The following ZCWPW1 variants were observed in gnomAD, a reference collection of about 807,000 sequenced individuals.
ZCWPW1 encodes the protein zinc finger CW-type PWWP domain protein 1.
A neutral mutation model predicts 81.3 loss-of-function variants in ZCWPW1; 56 were observed. The observed-to-expected ratio is 0.69, with a 90% CI of 0.56 to 0.86. ZCWPW1 has a LOEUF of 0.86. ZCWPW1 is among the 40% of genes least tolerant of loss of function. The pLI, the probability that ZCWPW1 is intolerant of heterozygous loss-of-function variation, is 0.00. For synonymous variants in ZCWPW1, 250 were observed against 273.7 expected (o/e 0.91, Z 0.86); for missense variants, 650 against 769.8 (o/e 0.84, Z 1.84).
rs748125267 is a variant in ZCWPW1, at chr7:100,401,312, G to A, written c.1652C>T (p.Pro551Leu). The A allele has an allele frequency of 4.5e-6, 7 of 1,561,154 alleles. No homozygotes were observed. In the African/African-American group the frequency reaches 5.5e-5, roughly 12 times the overall value. Residue 551 changes from proline to leucine, a missense_variant, in exon 18 of 18, where the codon CCC becomes CTC. Physicochemically the swap from Pro to Leu is moderately conservative, Grantham distance 98. Transcript: ENST00000684423. The stretch of plus-strand genomic sequence containing the variant: ...GCTGGCTGCCAAGGCCTTGCTCTGG[G>A]GAGCTTTAAATTTTTTCTTAGGGCC... Reference protein sequence around the residue: ...QPGPKKKFKAPQSKALAASFS... With the variant: ...QPGPKKKFKALQSKALAASFS...
chr7:100,417,051 C>T lies in ZCWPW1; in HGVS notation c.479+15G>A. On this transcript the variant is annotated intron_variant, in intron 6 of 17. Transcript: ENST00000684423. ...TCCATTCTGTGTTCAACTTGCCTCACTGAAATAAACTTACCCATTAGCATT... is the reference window on the plus strand; with the variant it reads ...TCCATTCTGTGTTCAACTTGCCTCATTGAAATAAACTTACCCATTAGCATT... The T allele has an allele frequency of 6.2e-7, 1 of 1,602,348 alleles. No homozygotes were observed. Among genetic ancestry groups the T allele is most frequent in the Non-Finnish European group, 8.5e-7 (1 of 1,169,662 alleles).
intron 15 of ZCWPW1, 144 bp from the exon 16 acceptor site, chr7:100,402,720 AAC>A: frequency 1.2e-6 from 1 of 826,766 alleles, no homozygotes; most frequent in South Asian, 1.5e-5. Context: ...AATTTCTGGC[AAC>A]ACAGAGAAAA....
Position 100,407,317 on chromosome 7 carries a change from T to A in ZCWPW1, c.993-14A>T. 1.1e-5 allele frequency: 17 copies of A among 1,611,726 alleles called. No homozygotes were observed. Among genetic ancestry groups the A allele is most frequent in the Non-Finnish European group, 1.4e-5 (17 of 1,178,496 alleles). On this transcript the variant is annotated splice_polypyrimidine_tract_variant and intron_variant, in intron 10 of 17. Coordinates refer to ENST00000684423, the MANE Select transcript of ZCWPW1 (RefSeq NM_001386010.1). ...ATGCCTGGCCACCTGGAGAAGATAG[T>A]TGGGTGTAGGGGACAGAAGAGAAGG...
In ZCWPW1 at chr7:100,402,016, T is replaced by C. The variant is rs1330050750; in HGVS notation, c.1500A>G (p.Ala500=). 6 of 1,612,794 alleles carry C rather than the reference T, an allele frequency of 3.7e-6. No individual in the cohort carries two copies. Among genetic ancestry groups the C allele is most frequent in the Non-Finnish European group, 5.1e-6 (6 of 1,179,518 alleles). ...PRGLGGDAGT[A]DGRGRTLQRK... ...TCTGCAGTGTCCTGCCTCGGCCATC[T>C]GCTGTGCCTGCATCACCCCCAAGCC... The change falls in exon 17 of 18, where the codon GCA becomes GCG. Residue 500 remains alanine, a synonymous_variant. Transcript: ENST00000684423.
intron 8 of ZCWPW1, among the ~76,000 whole-genome samples, chr7:100,415,269 G>A (rs1209382500): frequency 6.6e-6 from 1 of 151,630 alleles, no homozygotes; most frequent in Non-Finnish European, 1.5e-5. Context: ...TTTCAGTAGA[G>A]ATGGGGTTTC....
In ZCWPW1 at chr7:100,408,644, C is replaced by A. The variant is rs373658826; in HGVS notation, c.887G>T (p.Arg296Leu). The change falls in exon 10 of 18, where the codon CGC becomes CTC. Residue 296 changes from arginine to leucine, a missense_variant. Coordinates refer to ENST00000684423, the MANE Select transcript of ZCWPW1 (RefSeq NM_001386010.1). ...CCAGGTCTCCTCAGGAATATCACAG[C>A]GATTATACTGCACATCTGCTGAAAG... ...CDQNTDVQYN[R>L]CDIPEETWTG... The A allele has an allele frequency of 2.3e-5, 37 of 1,613,312 alleles. No homozygotes were observed. In the South Asian group the frequency reaches 4.0e-4, roughly 17 times the overall value.
chr7:100,406,997 G>A lies in ZCWPW1; in HGVS notation c.1069-199C>T, dbSNP rs1290799467. Among the ~76,000 whole-genome samples the A allele has an allele frequency of 4.6e-5, 7 of 152,212 alleles. No homozygotes were observed. In the South Asian group the frequency reaches 1.0e-3, roughly 23 times the overall value. On this transcript the variant is annotated intron_variant, in intron 11 of 17. Transcript: ENST00000684423. ...TAACCTCAGGAATCCTAGCCAAAGC[G>A]TATTTATCAAAACCACTAATGCCCT...
At chr7:100,423,720 G>A (rs1796769308) in intron 2 of ZCWPW1, among the ~76,000 whole-genome samples, 1 of 152,082 alleles carries the variant, frequency 6.6e-6, no homozygotes, top group African/African-American at 2.4e-5. Context: ...ATTTTGGGGA[G>A]AAACACTCAA....
intron 15 of ZCWPW1, among the ~76,000 whole-genome samples, chr7:100,403,017 T>C (rs1368469391): frequency 1.3e-5 from 2 of 152,136 alleles, no homozygotes; most frequent in Admixed American, 6.5e-5. Context: ...ACTGAGATTA[T>C]ACTCAAGAAA....
intron 10 of ZCWPW1, 53 bp downstream of exon 10, chr7:100,408,486 T>A: frequency 2.5e-6 from 4 of 1,597,034 alleles, no homozygotes; most frequent in South Asian, 1.1e-5. Context: ...CCTGCTTGAA[T>A]CTACCTCTCC....
chr7:100,410,581 C>A (rs1055290147), intron 8 of ZCWPW1, among the ~76,000 whole-genome samples: 2 of 152,124 alleles, frequency 1.3e-5, no homozygotes, highest in Non-Finnish European at 1.5e-5. Flanking sequence ...GCCTTCATTC[C>A]AAATGACCTC....
At chr7:100,404,147 T>G (rs1792495400) in intron 14 of ZCWPW1, 31 bp downstream of exon 14, 1 of 1,610,970 alleles carries the variant, frequency 6.2e-7, no homozygotes, top group Admixed American at 1.7e-5. Context: ...CCTCCCATCC[T>G]TCTCCAGTCC....
chr7:100,409,445 G>A lies in ZCWPW1; in HGVS notation c.854C>T (p.Ser285Phe). The A allele has an allele frequency of 1.9e-6, 3 of 1,613,680 alleles. No homozygotes were observed. Among genetic ancestry groups the A allele is most frequent in the Non-Finnish European group, 2.5e-6 (3 of 1,179,672 alleles). The change falls in exon 9 of 18, where the codon TCC becomes TTC. Residue 285 changes from serine (S) to phenylalanine (F), a missense_variant. Coordinates refer to ENST00000684423, the MANE Select transcript of ZCWPW1 (RefSeq NM_001386010.1). ...TTTTCTACCTGTGTTCTGATCACAGGACCAATTATCTGGGAGAACTGAGGG... is the reference window on the plus strand; with the variant it reads ...TTTTCTACCTGTGTTCTGATCACAGAACCAATTATCTGGGAGAACTGAGGG... ...IDPSVLPDNW[S>F]CDQNTDVQYN...
In ZCWPW1 at chr7:100,416,138, A is replaced by C. The variant is rs753307039; in HGVS notation, c.632-41T>G. 24 of 1,611,026 alleles carry C rather than the reference A, an allele frequency of 1.5e-5. No homozygotes were observed. The Middle Eastern group carries it at 6.6e-4, about 44-fold the overall frequency. ...AAAACGTGAGGTGGGGAGATGAAGA[A>C]GACAATCTTTGTAGATAGTAAAGGT... On this transcript the variant is annotated intron_variant, in intron 7 of 17. Coordinates refer to ENST00000684423, the MANE Select transcript of ZCWPW1 (RefSeq NM_001386010.1).
chr7:100,419,475 CT>C (rs1037319337), intron 4 of ZCWPW1, among the ~76,000 whole-genome samples, 154 bp downstream of exon 4: 3 of 151,760 alleles, frequency 2.0e-5, no homozygotes, highest in African/African-American at 7.3e-5. Context: ...TTTTTGACCT[CT>C]TTGAGAAAAA....
chr7:100,407,806 G>GA (rs2130516644), intron 10 of ZCWPW1, among the ~76,000 whole-genome samples: 1 of 152,216 alleles, frequency 6.6e-6, no homozygotes, highest in South Asian at 2.1e-4. Context: ...GATGCACACA[G>GA]GAGCTCAGAA....
intron 12 of ZCWPW1, 101 bp downstream of exon 12, chr7:100,406,593 G>GA: frequency 8.9e-7 from 1 of 1,125,612 alleles, no homozygotes. Flanking sequence ...GTCAGACACA[G>GA]AACTTTCTCC....
intron 13 of ZCWPW1, 148 bp from the exon 14 acceptor site, chr7:100,404,392 G>T (rs939485742): frequency 5.3e-6 from 4 of 757,566 alleles, no homozygotes; most frequent in African/African-American, 3.5e-5. Context: ...ACAGGGTCTT[G>T]CTCTGTCACC....
intron 1 of ZCWPW1, among the ~76,000 whole-genome samples, chr7:100,426,753 C>T (rs1463874981): frequency 8.1e-6 from 1 of 122,874 alleles, no homozygotes; most frequent in Non-Finnish European, 1.7e-5. Flanking sequence ...CTCCTTCTCT[C>T]CCTCCCCCTC....
Sources: allele counts gnomAD v4.1 joint callset (sites outside exome capture counted in the v4.1 genomes callset), GRCh38; gene constraint gnomAD v4.1.1; transcripts MANE v1.5; gene names NCBI Gene and HGNC (gene_info 2026-07-23, HGNC 2026-07-21).